The following DTX1 variants were observed in gnomAD, a reference collection of about 807,000 sequenced individuals.
DTX1 encodes deltex E3 ubiquitin ligase 1.
In DTX1, 26 loss-of-function variants were observed where a neutral mutation model predicts 57.8. That is an observed-to-expected ratio of 0.45 (90% CI 0.33 to 0.62). The LOEUF (loss-of-function observed/expected upper bound fraction) is 0.62. DTX1 is among the 20% of genes least tolerant of loss of function. The probability of loss-of-function intolerance (pLI) is 0.02; values close to 1 mark genes in which losing one functional copy is unlikely to be tolerated. For synonymous variants in DTX1, 398 were observed against 394.1 expected, an observed-to-expected ratio of 1.01 and a Z score of -0.12; for missense variants, 704 against 895.3, an observed-to-expected ratio of 0.79 and a Z score of 2.73.
rs1417610213 is a variant in DTX1, at chr12:113,077,782, G to T, written c.618G>T (p.Leu206=). ...SGQPCSCQQC[L]LVNSTRAASN... ...AGCCCTGCTCCTGCCAGCAGTGCCT[G>T]CTGGTCAACAGCACGCGCGCCGCCT... The change falls in exon 3 of 10, where the codon CTG becomes CTT. Residue 206 remains leucine, a synonymous_variant. Transcript: ENST00000548759. This position sits in a 1 kb window ranked among gnomAD's most constrained non-coding sequence, Gnocchi z 7.8. 1 of 1,518,746 alleles carries T rather than the reference G, an allele frequency of 6.6e-7. No individual in the cohort carries two copies. The allele number at this position is 1,518,746 out of a possible 1,614,324, so 94.1% of individuals were successfully genotyped here.
chr12:113,060,387 A>G (rs915016136), intron 2 of DTX1, among the ~76,000 whole-genome samples: 1 of 152,134 alleles, frequency 6.6e-6, no homozygotes, highest in African/African-American at 2.4e-5. Context: ...AATCAGTGGC[A>G]GATCCGAGAG....
In DTX1 at chr12:113,077,362, C is replaced by A. The variant is rs1036933458; in HGVS notation, c.260-62C>A. The stretch of plus-strand genomic sequence containing the variant: ...CCCACCCTTGCCTGGCTGTGGCCCG[C>A]CCTTCCAGCCGCGCAGACCAACGCC... On this transcript the variant is annotated intron_variant, in intron 2 of 9. Coordinates refer to ENST00000548759, the MANE Select transcript of DTX1 (RefSeq NM_004416.3). The surrounding 1 kb of genome is among the most constrained non-coding windows in gnomAD (Gnocchi z 7.8). 4.1e-5 allele frequency: 63 copies of A among 1,525,788 alleles called. No individual in the cohort carries two copies. The highest frequency in any genetic ancestry group is 5.0e-5 in the Non-Finnish European group (57 of 1,143,716). 94.5% of individuals were successfully genotyped at this position (1,525,788 alleles called of 1,614,324 possible).
At position 113,093,445 on chromosome 12, in the gene DTX1, A is replaced by ACCC; in HGVS notation, c.1004-93_1004-91dup. 3.5e-6 allele frequency: 2 copies of ACCC among 565,026 alleles called. No individual in the cohort carries two copies. Among genetic ancestry groups the ACCC allele is most frequent in the Non-Finnish European group, 5.6e-6 (2 of 358,490 alleles). The allele number at this position is 565,026 out of a possible 1,614,324, so 35.0% of individuals were successfully genotyped here. On this transcript the variant is annotated intron_variant, in intron 4 of 9. Transcript: ENST00000548759. This position sits in a 1 kb window ranked among gnomAD's most constrained non-coding sequence, Gnocchi z 4.2. ...TGGGGCCCAAGAGCGCAACCCTCCC[A>ACCC]CCCACCCGAGGGCCCCGGGATTCCC...
chr12:113,082,217 C>G (rs1268185574), intron 3 of DTX1, among the ~76,000 whole-genome samples: 2 of 152,140 alleles, frequency 1.3e-5, no homozygotes, highest in African/African-American at 4.8e-5. Flanking sequence ...CTCATCCCTC[C>G]CCACCCACGC....
Position 113,058,153 on chromosome 12 carries a change from T to C in DTX1, c.-40T>C. On this transcript the variant is annotated 5_prime_UTR_variant, in exon 2 of 10. Transcript: ENST00000548759. ...TGCCAGGCCCAGGAGGAGCTGGGCC[T>C]GCAATAGTGGGGGACCTGGCCCCTG... is the stretch of plus-strand genomic sequence containing the variant. 6.4e-7 allele frequency: 1 copy of C among 1,550,616 alleles called. No homozygotes were observed. The highest frequency in any genetic ancestry group is 8.7e-7 in the Non-Finnish European group (1 of 1,147,872).
rs1357822195 is a variant in DTX1 at position 113,078,063 on chromosome 12, A to G, written c.899A>G (p.Gln300Arg). 3 of 1,387,256 alleles carry G rather than the reference A, an allele frequency of 2.2e-6. No homozygotes were observed. The highest frequency in any genetic ancestry group is 2.8e-6 in the Non-Finnish European group (3 of 1,069,504). 85.9% of individuals were successfully genotyped at this position (1,387,256 alleles called of 1,614,324 possible). A position where few individuals can be genotyped will look rare whatever the true frequency, so the allele number is the denominator to read the frequency against. ...AACAACCTCAACCGGCCCGGGCCCC[A>G]GCGCACCACCAGCGTGAGCGCGCGC... ...GQNNLNRPGPQRTTSVSARAS... is the reference protein window; with the variant it reads ...GQNNLNRPGPRRTTSVSARAS... The change falls in exon 3 of 10, where the codon CAG becomes CGG. Residue 300 changes from glutamine (Q) to arginine (R), a missense_variant. By Grantham distance (43) the Gln-to-Arg change is conservative (BLOSUM62 1). Coordinates refer to ENST00000548759, the MANE Select transcript of DTX1 (RefSeq NM_004416.3).
rs746424025 is a variant in DTX1 at position 113,091,510 on chromosome 12, ATG to A, written c.942-1644_942-1643del. The stretch of plus-strand genomic sequence containing the variant: ...TGTTTGTGTGTCTGTGTACTTAAAC[ATG>A]TGTGTGTAATGTGTCCCGGGGAGTA... On this transcript the variant is annotated intron_variant, in intron 3 of 9. Coordinates refer to ENST00000548759, the MANE Select transcript of DTX1 (RefSeq NM_004416.3). Among the ~76,000 whole-genome samples the A allele has an allele frequency of 6.6e-5, 10 of 152,038 alleles. No individual in the cohort carries two copies. In the South Asian group the frequency reaches 2.1e-3, roughly 32 times the overall value.
chr12:113,077,439 T>A lies in DTX1; in HGVS notation c.275T>A (p.Val92Glu). 1 of 1,608,018 alleles carries A rather than the reference T, an allele frequency of 6.2e-7. No individual in the cohort carries two copies. Among genetic ancestry groups the A allele is most frequent in the Non-Finnish European group, 8.5e-7 (1 of 1,179,112 alleles). Residue 92 changes from valine to glutamate, a missense_variant, in exon 3 of 10, where the codon GTG (valine) becomes GAG (glutamate). Physicochemically the swap from Val to Glu is moderately radical, Grantham distance 121. Around this residue, in one of 3 missense-constraint regions of DTX1, gnomAD observed 237 missense variants for 328.6 expected, o/e 0.72. Coordinates refer to ENST00000548759, the MANE Select transcript of DTX1 (RefSeq NM_004416.3). The surrounding 1 kb of genome is among the most constrained non-coding windows in gnomAD (Gnocchi z 7.8). The part of the protein sequence containing the change: ...FRQDTGTMRP[V>E]RRNFYDPSSA... ...TCGAGTACAGGCACCATGCGGCCCG[T>A]GCGGCGCAACTTCTACGACCCGTCG...
chr12:113,062,071 T>G (rs1258588880), intron 2 of DTX1, among the ~76,000 whole-genome samples: 1 of 132,000 alleles, frequency 7.6e-6, no homozygotes, highest in Non-Finnish European at 1.7e-5. Context: ...ACACACACAC[T>G]CCAACATAAT....
In DTX1 at chr12:113,058,199, C is replaced by T. The variant is rs777879482; in HGVS notation, c.7C>T (p.Arg3Trp). The T allele has an allele frequency of 1.1e-5, 18 of 1,601,212 alleles. No individual in the cohort carries two copies. The highest frequency in any genetic ancestry group is 1.4e-5 in the Non-Finnish European group (17 of 1,172,792). ...CCCTGAGGCAGTGGCGGCCATGTCACGGCCAGGCCACGGTGGGCTGATGCC... is the reference window on the plus strand; with the variant it reads ...CCCTGAGGCAGTGGCGGCCATGTCATGGCCAGGCCACGGTGGGCTGATGCC... MS[R>W]PGHGGLMPVN... The change falls in exon 2 of 10, where the codon CGG becomes TGG. Residue 3 changes from arginine to tryptophan, a missense_variant. Physicochemically the swap from Arg to Trp is moderately radical, Grantham distance 101. Coordinates refer to ENST00000548759, the MANE Select transcript of DTX1 (RefSeq NM_004416.3).
chr12:113,075,917 T>C (rs1244388950), intron 2 of DTX1, among the ~76,000 whole-genome samples: 1 of 151,706 alleles, frequency 6.6e-6, no homozygotes, highest in Non-Finnish European at 1.5e-5. Flanking sequence ...GATATAGCAG[T>C]AAATAAAACA....
Position 113,094,020 on chromosome 12 carries a change from C to G in DTX1, c.1166-18C>G. On this transcript the variant is annotated intron_variant, in intron 5 of 9. Transcript: ENST00000548759. ...AGACTCTGGGTACCCTCAAACCCACCCCGCTGTGTCCCTGCAGGTAAGAAT... is the reference window on the plus strand; with the variant it reads ...AGACTCTGGGTACCCTCAAACCCACGCCGCTGTGTCCCTGCAGGTAAGAAT... 1 of 1,568,762 alleles carries G rather than the reference C, an allele frequency of 6.4e-7. No individual in the cohort carries two copies. Among genetic ancestry groups the G allele is most frequent in the Non-Finnish European group, 8.7e-7 (1 of 1,155,650 alleles).
chr12:113,085,923 G>A (rs965186945), intron 3 of DTX1, among the ~76,000 whole-genome samples: 1 of 152,156 alleles, frequency 6.6e-6, no homozygotes, highest in Non-Finnish European at 1.5e-5. Context: ...AGAAGAAAAG[G>A]CCTCATGGAG....
In DTX1 at chr12:113,093,799, A is replaced by AC; in HGVS notation, c.1165+101dup. ...CTCCAACTTATTCTTAGCATTTACTACCTCACCTCCATTGCCTGATCTCAG... is the reference window on the plus strand; with the variant it reads ...CTCCAACTTATTCTTAGCATTTACTACCCTCACCTCCATTGCCTGATCTCAG... On this transcript the variant is annotated intron_variant, in intron 5 of 9. Transcript: ENST00000548759. This position sits in a 1 kb window ranked among gnomAD's most constrained non-coding sequence, Gnocchi z 4.2. 6.5e-7 allele frequency: 1 copy of AC among 1,529,700 alleles called. No individual in the cohort carries two copies. Among genetic ancestry groups the AC allele is most frequent in the Non-Finnish European group, 8.9e-7 (1 of 1,129,028 alleles). The allele number at this position is 1,529,700 out of a possible 1,614,324, so 94.8% of individuals were successfully genotyped here. A position where few individuals can be genotyped will look rare whatever the true frequency, so the allele number is the denominator to read the frequency against.
chr12:113,076,951 G>T (rs2044776627), intron 2 of DTX1, among the ~76,000 whole-genome samples: 1 of 151,272 alleles, frequency 6.6e-6, no homozygotes, highest in Admixed American at 6.6e-5. Flanking sequence ...GGCCCCCTTT[G>T]CCCTCCCCCG....
intron 3 of DTX1, among the ~76,000 whole-genome samples, chr12:113,080,857 C>T (rs1169305487): frequency 6.6e-6 from 1 of 151,896 alleles, no homozygotes; most frequent in Admixed American, 6.6e-5. Context: ...TGCTTGTAGT[C>T]CCAGTTACTC....
chr12:113,076,899 T>C (rs1555233320), intron 2 of DTX1, among the ~76,000 whole-genome samples: 1 of 152,156 alleles, frequency 6.6e-6, no homozygotes, highest in Non-Finnish European at 1.5e-5. Flanking sequence ...TCTCTGTCTA[T>C]GCCTGCCCCA....
At chr12:113,080,314 A>C (rs1373559155) in intron 3 of DTX1, among the ~76,000 whole-genome samples, 1 of 152,182 alleles carries the variant, frequency 6.6e-6, no homozygotes, top group Non-Finnish European at 1.5e-5. Context: ...CTGAAGTATC[A>C]GTTATGGCCC....
rs544501699 is a variant in DTX1, at chr12:113,088,031, C to G, written c.942-5131C>G. ...GATCCAGGTCAAAGACTTCAGCCCA[C>G]CTGTAGAGCACAGAGGGCTCTCTAG... On this transcript the variant is annotated intron_variant, in intron 3 of 9. Transcript: ENST00000548759. Among the ~76,000 whole-genome samples the G allele has an allele frequency of 5.9e-5, 9 of 152,302 alleles. No homozygotes were observed. In the South Asian group the frequency reaches 1.2e-3, roughly 21 times the overall value.
Sources: allele counts gnomAD v4.1 joint callset (sites outside exome capture counted in the v4.1 genomes callset), GRCh38; gene constraint gnomAD v4.1.1; regional missense constraint gnomAD v4.1.1; non-coding constraint Gnocchi (gnomAD v3.1); transcripts MANE v1.5; gene names NCBI Gene and HGNC (gene_info 2026-07-23, HGNC 2026-07-21).